Variants in LDB3 observed in about 807,000 individuals in gnomAD.
LDB3 encodes LIM domain binding 3.
In LDB3, 49 loss-of-function variants were observed where a neutral mutation model predicts 69.0. The ratio of observed to expected loss-of-function variants is 0.71; its 90% CI spans 0.56 to 0.90. LDB3 has a LOEUF of 0.90. Ranked by LOEUF, LDB3 falls within the 40% of genes least tolerant of loss-of-function variation. The pLI is 0.00. For missense variants in LDB3, 928 were observed against 974.1 expected (o/e 0.95, Z 0.63); for synonymous variants, 387 against 396.2 (o/e 0.98, Z 0.28).
At position 86,679,287 on chromosome 10, in the gene LDB3, G is replaced by T. The variant is rs547487931; in HGVS notation, c.94-80G>T. Reference sequence around the variant, plus strand: ...ATGACGGCTTCTGTTGAATACTCCCGGGTGACTCTTCCCCAAGGACTGGCC... The same window carrying T: ...ATGACGGCTTCTGTTGAATACTCCCTGGTGACTCTTCCCCAAGGACTGGCC... On this transcript the variant is annotated intron_variant, in intron 2 of 13. Coordinates refer to ENST00000361373, the MANE Select transcript of LDB3 (RefSeq NM_007078.3). 67 of 1,544,260 alleles carry T rather than the reference G, an allele frequency of 4.3e-5. No individual in the cohort carries two copies. In the African/African-American group the frequency reaches 7.6e-4, roughly 18 times the overall value.
chr10:86,725,133 G>A (rs1241811757), intron 12 of LDB3, among the ~76,000 whole-genome samples: 1 of 152,210 alleles, frequency 6.6e-6, no homozygotes, highest in Non-Finnish European at 1.5e-5. Flanking sequence ...CTTCTCAGGA[G>A]GGATGAAGGC....
At chr10:86,668,436 A>T (rs1844266630), upstream of LDB3, 1 of 561,822 alleles carries the variant, frequency 1.8e-6, no homozygotes, top group Non-Finnish European at 3.3e-6. Flanking sequence ...GCTGGCAGGC[A>T]CAGTGTAGGG....
chr10:86,704,905 A>G (rs1406954590), intron 7 of LDB3, among the ~76,000 whole-genome samples: 1 of 151,568 alleles, frequency 6.6e-6, no homozygotes, highest in Non-Finnish European at 1.5e-5. Context: ...TAGTAGAGAC[A>G]AGGTTTCTCC....
intron 8 of LDB3, among the ~76,000 whole-genome samples, chr10:86,707,701 A>T (rs1270758685): frequency 1.3e-5 from 2 of 152,164 alleles, no homozygotes; most frequent in Non-Finnish European, 2.9e-5. Flanking sequence ...TCCATGGTGC[A>T]GCCTGAGGTG....
At chr10:86,715,070 C>T (rs1026262597) in intron 9 of LDB3, among the ~76,000 whole-genome samples, 2 of 151,988 alleles carry the variant, frequency 1.3e-5, no homozygotes, top group Admixed American at 1.3e-4. Context: ...CCCAGGCGGT[C>T]CAGGGGAACC....
Position 86,710,800 on chromosome 10 carries a change from G to A in LDB3, c.1231+750G>A, listed in dbSNP as rs1846620852. The stretch of plus-strand genomic sequence containing the variant: ...TCATGAAGCTCGCTCTGACAGCAGG[G>A]CTGAGTGTGGGCGGTCGAAGCGGCT... On this transcript the variant is annotated intron_variant, in intron 9 of 13. Transcript: ENST00000361373. Among the ~76,000 whole-genome samples the A allele has an allele frequency of 3.3e-5, 5 of 152,354 alleles. No homozygotes were observed. In the South Asian group the frequency reaches 8.3e-4, roughly 25 times the overall value.
In LDB3 at chr10:86,679,399, G is replaced by C. The variant is rs1177908121; in HGVS notation, c.126G>C (p.Gln42His). 3 of 1,614,044 alleles carry C rather than the reference G, an allele frequency of 1.9e-6. No individual in the cohort carries two copies. Among genetic ancestry groups the C allele is most frequent in the Non-Finnish European group, 2.5e-6 (3 of 1,180,040 alleles). The change falls in exon 3 of 14, where the codon CAG (glutamine) becomes CAC (histidine). Residue 42 changes from glutamine (Q) to histidine (H), a missense_variant. Coordinates refer to ENST00000361373, the MANE Select transcript of LDB3 (RefSeq NM_007078.3). The part of the protein sequence containing the change: ...ITPGSKAAQS[Q>H]LSQGDLVVAI... ...CAGGCAGCAAGGCAGCCCAGTCCCA[G>C]CTCAGCCAGGGTGACCTCGTGGTGG...
chr10:86,699,389 TCCCCCCA>T lies in LDB3; in HGVS notation c.896+6823_896+6829del. 6.2e-7 allele frequency: 1 copy of T among 1,613,130 alleles called. No homozygotes were observed. ...TTAAAAGCTAAAAGGCTGCCTGGAA[TCCCCCCA>T]CCCCAACAGGCTGGACTCCCTCCAT... On this transcript the variant is annotated intron_variant, in intron 7 of 13. Coordinates refer to ENST00000361373, the MANE Select transcript of LDB3 (RefSeq NM_007078.3). The surrounding 1 kb of genome is among the most constrained non-coding windows in gnomAD (Gnocchi z 4.9).
At chr10:86,701,396 G>C (rs922043964) in intron 7 of LDB3, among the ~76,000 whole-genome samples, 2 of 152,200 alleles carry the variant, frequency 1.3e-5, no homozygotes, top group Admixed American at 6.5e-5. Flanking sequence ...CTCTCTTGGA[G>C]CCACCTAGTT....
Position 86,733,414 on chromosome 10 carries a change from G to T in LDB3, c.*438G>T. 4.4e-6 allele frequency: 1 copy of T among 227,868 alleles called. No homozygotes were observed. Among genetic ancestry groups the T allele is most frequent in the South Asian group, 6.4e-5 (1 of 15,698 alleles). 14.1% of individuals were successfully genotyped at this position (227,868 alleles called of 1,614,324 possible). On this transcript the variant is annotated 3_prime_UTR_variant, in exon 14 of 14. Transcript: ENST00000361373. The stretch of plus-strand genomic sequence containing the variant: ...AAGTGCCAAACAGCACTCGCTGCAG[G>T]GTATTTTTAGAGTCATAGCTGAGAG...
intron 3 of LDB3, among the ~76,000 whole-genome samples, chr10:86,679,759 G>A (rs1845008644): frequency 6.6e-6 from 1 of 152,226 alleles, no homozygotes; most frequent in Non-Finnish European, 1.5e-5. Flanking sequence ...TCCTGGTGCT[G>A]CCCGTACGTG....
chr10:86,729,679 C>G (rs1241362437), intron 13 of LDB3, among the ~76,000 whole-genome samples: 1 of 152,204 alleles, frequency 6.6e-6, no homozygotes, highest in Non-Finnish European at 1.5e-5. Flanking sequence ...TATGAAGCCA[C>G]CTTGCACCAA....
chr10:86,704,769 A>C (rs1430608198), intron 7 of LDB3, among the ~76,000 whole-genome samples: 1 of 150,686 alleles, frequency 6.6e-6, no homozygotes, highest in Non-Finnish European at 1.5e-5. Flanking sequence ...TTTTTAGTAG[A>C]GATGAGGTTT....
At position 86,715,931 on chromosome 10, in the gene LDB3, G is replaced by A. The variant is rs577502698; in HGVS notation, c.1232-396G>A. Among the ~76,000 whole-genome samples the A allele has an allele frequency of 5.3e-5, 8 of 152,314 alleles. No homozygotes were observed. In the South Asian group the frequency reaches 1.7e-3, roughly 32 times the overall value. ...TTCAGATGTCAAATCACTGGTCAGAGTGCAACTGAAAGCATCTTGCAGTCA... is the reference window on the plus strand; with the variant it reads ...TTCAGATGTCAAATCACTGGTCAGAATGCAACTGAAAGCATCTTGCAGTCA... On this transcript the variant is annotated intron_variant, in intron 9 of 13. Coordinates refer to ENST00000361373, the MANE Select transcript of LDB3 (RefSeq NM_007078.3).
chr10:86,675,277 G>A (rs970442088), intron 2 of LDB3, among the ~76,000 whole-genome samples: 1 of 152,374 alleles, frequency 6.6e-6, no homozygotes, highest in East Asian at 1.9e-4. Context: ...GGTGCCCGCT[G>A]ACCCATGCCT....
chr10:86,683,003 C>A (rs929404837), intron 5 of LDB3, among the ~76,000 whole-genome samples: 1 of 151,746 alleles, frequency 6.6e-6, no homozygotes, highest in African/African-American at 2.4e-5. Flanking sequence ...TGGCTTGCTT[C>A]CCTTACCCAA....
At chr10:86,679,050 C>T (rs1844956864) in intron 2 of LDB3, among the ~76,000 whole-genome samples, 1 of 152,182 alleles carries the variant, frequency 6.6e-6, no homozygotes, top group African/African-American at 2.4e-5. Context: ...TTCAGTCAGT[C>T]AACAAGCAGA....
At chr10:86,710,711 C>T (rs2132467855) in intron 9 of LDB3, among the ~76,000 whole-genome samples, 1 of 152,330 alleles carries the variant, frequency 6.6e-6, no homozygotes, top group African/African-American at 2.4e-5. Context: ...TTTTCTCTGC[C>T]GCTGGAGCCC....
At position 86,706,601 on chromosome 10, in the gene LDB3, C is replaced by G. The variant is rs746848517; in HGVS notation, c.967C>G (p.Pro323Ala). 2 of 1,613,082 alleles carry G rather than the reference C, an allele frequency of 1.2e-6. No homozygotes were observed. The highest frequency in any genetic ancestry group is 1.7e-6 in the Non-Finnish European group (2 of 1,179,978). Residue 323 changes from proline (P) to alanine (A), a missense_variant, in exon 8 of 14, where the codon CCA becomes GCA. Physicochemically the swap from Pro to Ala is conservative, Grantham distance 27. Coordinates refer to ENST00000361373, the MANE Select transcript of LDB3 (RefSeq NM_007078.3). ...CCCGCTGCTGCCCGCTTCTGCCCAG[C>G]CACCTGCTGCTGCCTCTCCCAGTGC... Reference protein sequence around the residue: ...TTPLLPASAQPPAAASPSAAS... With the variant: ...TTPLLPASAQAPAAASPSAAS...
Sources: allele counts gnomAD v4.1 joint callset (sites outside exome capture counted in the v4.1 genomes callset), GRCh38; gene constraint gnomAD v4.1.1; non-coding constraint Gnocchi (gnomAD v3.1); transcripts MANE v1.5; gene names NCBI Gene and HGNC (gene_info 2026-07-23, HGNC 2026-07-21).